CLYBL: variants seen among roughly 807,000 people sequenced by gnomAD.
The protein encoded by CLYBL is citramalyl-CoA lyase, also known as citramalyl-CoA lyase, mitochondrial.
Under a neutral mutation model 38.9 loss-of-function variants are expected in CLYBL, and 31 were observed. The ratio of observed to expected loss-of-function variants is 0.80; its 90% CI spans 0.60 to 1.08. The LOEUF is 1.08. Ranked by LOEUF, CLYBL falls within the 50% of genes least tolerant of loss-of-function variation. The pLI, the probability that CLYBL is intolerant of heterozygous loss-of-function variation, is 0.00. For missense variants in CLYBL, 434 were observed against 411.6 expected (o/e 1.05, Z -0.47); for synonymous variants, 171 against 158.6 (o/e 1.08, Z -0.59).
At chr13:99,879,190 T>C (rs2052130209) in intron 7 of CLYBL, among the ~76,000 whole-genome samples, 1 of 152,242 alleles carries the variant, frequency 6.6e-6, no homozygotes, top group African/African-American at 2.4e-5. Context: ...GGTAAAGTCC[T>C]GAATTAGTCT....
Position 99,737,396 on chromosome 13 carries a change from A to G in CLYBL, c.63-35428A>G, listed in dbSNP as rs533358417. Among the ~76,000 whole-genome samples the G allele has an allele frequency of 5.8e-4, 89 of 152,302 alleles. No individual in the cohort carries two copies. In the Middle Eastern group the frequency reaches 0.014, roughly 23 times the overall value. On this transcript the variant is annotated intron_variant, in intron 1 of 8. Transcript: ENST00000339105. ...ACATGTATCTTTTCATTGACTTCTC[A>G]CAACAATCCTATTATTATATCCAAC...
At chr13:99,859,312 T>G (rs1446802857) in intron 3 of CLYBL, among the ~76,000 whole-genome samples, 1 of 152,228 alleles carries the variant, frequency 6.6e-6, no homozygotes, top group African/African-American at 2.4e-5. Context: ...AACAGCCTCC[T>G]CAGTAGCCCT....
chr13:99,904,966 C>A (rs1379328308), intron 8 of CLYBL, among the ~76,000 whole-genome samples: 2 of 152,172 alleles, frequency 1.3e-5, no homozygotes, highest in African/African-American at 4.8e-5. Context: ...CCCACCCTGC[C>A]TCCCCCAGAA....
chr13:99,768,989 C>T (rs935659683), intron 1 of CLYBL, among the ~76,000 whole-genome samples: 1 of 152,110 alleles, frequency 6.6e-6, no homozygotes, highest in Non-Finnish European at 1.5e-5. Context: ...GTCACTTCAG[C>T]CCAAGGGAGA....
intron 1 of CLYBL, among the ~76,000 whole-genome samples, chr13:99,743,090 G>A (rs2048785666): frequency 6.7e-6 from 1 of 149,632 alleles, no homozygotes; most frequent in Admixed American, 6.7e-5. Context: ...TTTCCACAGA[G>A]AGATTGCTGC....
chr13:99,892,325 G>A (rs1566369919), intron 8 of CLYBL, 118 bp from the exon 9 acceptor site: 1 of 152,464 alleles, frequency 6.6e-6, no homozygotes, highest in East Asian at 1.9e-4. Context: ...CAGATGGGTG[G>A]TGTGGTTAAC....
chr13:99,759,155 C>G (rs1278723811), intron 1 of CLYBL, among the ~76,000 whole-genome samples: 1 of 152,172 alleles, frequency 6.6e-6, no homozygotes, highest in African/African-American at 2.4e-5. Flanking sequence ...AGCAGGTCAC[C>G]CATTGGTGCT....
chr13:99,677,061 T>C (rs1437812392), intron 1 of CLYBL, among the ~76,000 whole-genome samples: 1 of 152,116 alleles, frequency 6.6e-6, no homozygotes, highest in Non-Finnish European at 1.5e-5. Context: ...CGTAGACCTG[T>C]GTCAGCCATA....
At chr13:99,815,277 G>GA (rs2050421233) in intron 2 of CLYBL, among the ~76,000 whole-genome samples, 1 of 152,172 alleles carries the variant, frequency 6.6e-6, no homozygotes, top group Non-Finnish European at 1.5e-5. Context: ...ACGTGTTTGT[G>GA]AATGGCGTGT....
At chr13:99,699,340 G>A (rs576335382) in intron 1 of CLYBL, among the ~76,000 whole-genome samples, 4 of 152,064 alleles carry the variant, frequency 2.6e-5, no homozygotes, top group Admixed American at 6.5e-5. Flanking sequence ...AGCTGAGATC[G>A]TGCCATTGCA....
chr13:99,856,435 A>G (rs952240292), intron 2 of CLYBL, among the ~76,000 whole-genome samples: 1 of 152,206 alleles, frequency 6.6e-6, no homozygotes, highest in African/African-American at 2.4e-5. Flanking sequence ...TCAATTTTCC[A>G]TTCATACTGT....
chr13:99,652,008 G>T (rs1294013140), intron 1 of CLYBL, among the ~76,000 whole-genome samples: 1 of 152,208 alleles, frequency 6.6e-6, no homozygotes, highest in African/African-American at 2.4e-5. Flanking sequence ...TTCCTGGAAG[G>T]ATATGGACAC....
At chr13:99,861,143 T>C (rs943993340) in intron 3 of CLYBL, among the ~76,000 whole-genome samples, 1 of 152,142 alleles carries the variant, frequency 6.6e-6, no homozygotes, top group Non-Finnish European at 1.5e-5. Context: ...CCGGAAACAT[T>C]TAATCGTCTC....
At chr13:99,901,634 T>C (rs1209491193), downstream of CLYBL, among the ~76,000 whole-genome samples, 8 of 102,758 alleles carry the variant, frequency 7.8e-5, no homozygotes, top group Non-Finnish European at 1.4e-4. Context: ...TTTGGTTTTT[T>C]GGATTTTTTT....
intron 1 of CLYBL, among the ~76,000 whole-genome samples, chr13:99,699,277 C>T (rs533492806): frequency 6.6e-5 from 10 of 152,054 alleles, no homozygotes; most frequent in African/African-American, 2.2e-4. Context: ...CCCAGCTACT[C>T]GAGAGGCTGA....
At chr13:99,872,760 C>T (rs2139261672) in intron 7 of CLYBL, among the ~76,000 whole-genome samples, 1 of 152,306 alleles carries the variant, frequency 6.6e-6, no homozygotes, top group South Asian at 2.1e-4. Context: ...AGAGTTTACC[C>T]TGAATTTCAG....
intron 1 of CLYBL, among the ~76,000 whole-genome samples, chr13:99,621,159 C>T (rs1001978129): frequency 2.0e-5 from 3 of 152,164 alleles, no homozygotes; most frequent in African/African-American, 7.2e-5. Flanking sequence ...TTTAAGCTTC[C>T]TAACGCTGTA....
At chr13:99,880,050 G>GTATATA (rs4001018) in intron 7 of CLYBL, among the ~76,000 whole-genome samples, 2,795 of 97,444 alleles carry the variant, frequency 0.029, 77 homozygotes, top group African/African-American at 0.037. Context: ...ATGTGTGTAT[G>GTATATA]TATATATATA....
At chr13:99,833,020 ATATATATATATTTTTTTTTT>A (rs1566345725) in intron 2 of CLYBL, among the ~76,000 whole-genome samples, 5 of 35,116 alleles carry the variant, frequency 1.4e-4, no homozygotes, top group African/African-American at 5.6e-4. Context: ...ATATATATAT[ATATATATATATTTTTTTTTT>A]TTTTTTTTTT....
Sources: allele counts gnomAD v4.1 joint callset (sites outside exome capture counted in the v4.1 genomes callset), GRCh38; gene constraint gnomAD v4.1.1; transcripts MANE v1.5; gene names NCBI Gene and HGNC (gene_info 2026-07-23, HGNC 2026-07-21).